Variants in TMEM272 observed in about 807,000 individuals in gnomAD.
TMEM272 encodes long intergenic non-protein coding RNA 282.
TMEM272 carries 8 observed loss-of-function variants against 3.7 expected under a neutral mutation model. That is an observed-to-expected ratio of 2.17 (90% CI 1.27 to 3.91). The LOEUF is 3.91. Ranked by LOEUF, TMEM272 falls within the 30% of genes most tolerant of loss-of-function variation. The pLI is 0.00. For missense variants in TMEM272, 166 were observed against 91.5 expected (o/e 1.81, Z -3.32); for synonymous variants, 63 against 39.8 (o/e 1.58, Z -2.20).
At chr13:51,904,335 T>A in the TMEM272 span, among the ~76,000 whole-genome samples, 1 of 152,188 alleles carries the variant, frequency 6.6e-6, no homozygotes, top group African/African-American at 2.4e-5. Context: ...TAAAGGCAGA[T>A]GACTGATGAC....
chr13:51,824,599 G>A (rs1172824691), intron 3 of TMEM272, among the ~76,000 whole-genome samples: 1 of 152,202 alleles, frequency 6.6e-6, no homozygotes, highest in East Asian at 1.9e-4. Flanking sequence ...ATTGGCTTGT[G>A]GGGTCTTGTC....
intron 4 of TMEM272, among the ~76,000 whole-genome samples, chr13:51,817,978 C>T (rs1034911176): frequency 6.6e-6 from 1 of 152,194 alleles, no homozygotes; most frequent in African/African-American, 2.4e-5. Context: ...TGGAAGGACA[C>T]AGGTGGTCTT....
chr13:51,829,068 G>A (rs1956150841), intron 2 of TMEM272, among the ~76,000 whole-genome samples: 1 of 152,218 alleles, frequency 6.6e-6, no homozygotes, highest in Non-Finnish European at 1.5e-5. Context: ...CCCATATCAA[G>A]AAGCAAAATG....
intron 1 of TMEM272, among the ~76,000 whole-genome samples, chr13:51,842,773 T>C (rs931761324): frequency 2.0e-5 from 3 of 152,238 alleles, no homozygotes; most frequent in African/African-American, 7.2e-5. Context: ...AGAACTCTCA[T>C]TTTCACAGCT....
the TMEM272 span, among the ~76,000 whole-genome samples, chr13:51,852,880 C>CAA: frequency 0.067 from 7,381 of 110,624 alleles, 484 homozygotes; most frequent in African/African-American, 0.18. Flanking sequence ...AAAACTCCGT[C>CAA]AAAAAAAAAA....
the TMEM272 span, among the ~76,000 whole-genome samples, chr13:51,863,249 A>C: frequency 6.6e-6 from 1 of 152,192 alleles, no homozygotes. Flanking sequence ...AGGGAGAAGC[A>C]AGCTGGAGTT....
the TMEM272 span, among the ~76,000 whole-genome samples, chr13:51,892,563 C>T: frequency 6.6e-6 from 1 of 152,190 alleles, no homozygotes; most frequent in Non-Finnish European, 1.5e-5. Context: ...CTTGGTAATA[C>T]ACCAGCTCCA....
At chr13:51,831,582 A>C (rs1956173665) in intron 2 of TMEM272, among the ~76,000 whole-genome samples, 1 of 152,230 alleles carries the variant, frequency 6.6e-6, no homozygotes, top group South Asian at 2.1e-4. Flanking sequence ...AATCATCAGC[A>C]GTTACCAGCA....
intron 3 of TMEM272, among the ~76,000 whole-genome samples, chr13:51,823,005 T>A (rs951513360): frequency 6.6e-6 from 1 of 152,242 alleles, no homozygotes; most frequent in Non-Finnish European, 1.5e-5. Context: ...CTGCCCAGCA[T>A]GTGCCCTTGT....
At chr13:51,918,389 A>C in the TMEM272 span, among the ~76,000 whole-genome samples, 48,122 of 152,076 alleles carry the variant, frequency 0.32, 7,838 homozygotes, top group East Asian at 0.49. Flanking sequence ...TGCACAAGGC[A>C]GTATGAAGGG....
At chr13:51,892,959 G>C in the TMEM272 span, among the ~76,000 whole-genome samples, 60 of 152,212 alleles carry the variant, frequency 3.9e-4, no homozygotes, top group African/African-American at 1.4e-3. Flanking sequence ...ACTGCACCCT[G>C]ACTACAACAC....
At chr13:51,914,110 G>T in the TMEM272 span, among the ~76,000 whole-genome samples, 1 of 152,292 alleles carries the variant, frequency 6.6e-6, no homozygotes, top group Non-Finnish European at 1.5e-5. Context: ...CACACACATT[G>T]AGAAAAAAGG....
At chr13:51,924,613 G>A in the TMEM272 span, among the ~76,000 whole-genome samples, 2 of 152,094 alleles carry the variant, frequency 1.3e-5, no homozygotes, top group Admixed American at 6.5e-5. Context: ...TGAGTTGGTG[G>A]AAGAGAAAGA....
chr13:51,921,925 T>C, the TMEM272 span, among the ~76,000 whole-genome samples: 1 of 151,222 alleles, frequency 6.6e-6, no homozygotes, highest in Non-Finnish European at 1.5e-5. Context: ...TGTGTGTGTA[T>C]GTGTGTGTGT....
chr13:51,889,013 T>A, the TMEM272 span, among the ~76,000 whole-genome samples: 2 of 152,184 alleles, frequency 1.3e-5, no homozygotes, highest in Non-Finnish European at 2.9e-5. Flanking sequence ...ATGATTTTTT[T>A]AACCACTTTC....
chr13:51,827,513 C>G (rs1226150456), intron 2 of TMEM272, among the ~76,000 whole-genome samples: 1 of 152,164 alleles, frequency 6.6e-6, no homozygotes, highest in Non-Finnish European at 1.5e-5. Context: ...GCTTGGCCAG[C>G]ATTTTTTTTT....
the TMEM272 span, among the ~76,000 whole-genome samples, chr13:51,867,409 C>CGGGAAGTA: frequency 6.6e-6 from 1 of 152,172 alleles, no homozygotes; most frequent in Non-Finnish European, 1.5e-5. Flanking sequence ...CGGGAAGTGA[C>CGGGAAGTA]TTGGCTGATA....
the TMEM272 span, among the ~76,000 whole-genome samples, chr13:51,931,696 G>GT: frequency 6.6e-6 from 1 of 152,094 alleles, no homozygotes; most frequent in Non-Finnish European, 1.5e-5. Flanking sequence ...TCCTAAGGTG[G>GT]TATCACCCTC....
the TMEM272 span, among the ~76,000 whole-genome samples, chr13:51,870,186 A>G: frequency 6.6e-6 from 1 of 152,232 alleles, no homozygotes; most frequent in African/African-American, 2.4e-5. Flanking sequence ...AGGGGATCTC[A>G]CACTCAAACA....
Sources: gnomAD v4.1 joint callset for allele counts (sites outside exome capture counted in the v4.1 genomes callset) on GRCh38, gnomAD v4.1.1 for gene constraint, MANE v1.5 for transcripts, NCBI Gene and HGNC (gene_info 2026-07-23, HGNC 2026-07-21) for gene names.